Variants in TMEM35A observed in about 807,000 individuals in gnomAD.
TMEM35A encodes the protein nicotinic acetylcholine receptor chaperone.
For synonymous variants in TMEM35A, 50 were observed against 54.7 expected (o/e 0.91, Z 0.38); for missense variants, 83 against 132.7 (o/e 0.63, Z 1.84).
Position 101,095,319 on chromosome X carries a change from G to A in TMEM35A, c.*363G>A, listed in dbSNP as rs1051499410. 7.0e-5 allele frequency: 9 copies of A among 127,835 alleles called. No homozygotes were observed. The highest frequency in any genetic ancestry group is 1.4e-4 in the African/African-American group (4 of 28,839). 10.5% of individuals were successfully genotyped at this position (127,835 alleles called of 1,213,427 possible). A position where few individuals can be genotyped will look rare whatever the true frequency, so the allele number is the denominator to read the frequency against. On this transcript the variant is annotated 3_prime_UTR_variant, in exon 2 of 2. Coordinates refer to ENST00000372930, the MANE Select transcript of TMEM35A (RefSeq NM_021637.3). Reference sequence around the variant, plus strand: ...TGTGTGTGTGTGTGTGTGCGCGCGCGCGCGCACGCGCACACACTCACGCAC... The same window carrying A: ...TGTGTGTGTGTGTGTGTGCGCGCGCACGCGCACGCGCACACACTCACGCAC...
At position 101,095,557 on chromosome X, in the gene TMEM35A, C is replaced by T. The variant is rs940007318; in HGVS notation, c.*601C>T. 1.8e-5 allele frequency: 2 copies of T among 109,735 alleles called. No individual in the cohort carries two copies. Among genetic ancestry groups the T allele is most frequent in the East Asian group, 2.9e-4 (1 of 3,471 alleles). The allele number at this position is 109,735 out of a possible 1,213,427, so 9.0% of individuals were successfully genotyped here. Reference sequence around the variant, plus strand: ...GGAGAAAAAAAAAAACATTCAATTTCGGACACTGAGTTATATATGAAATTA... The same window carrying T: ...GGAGAAAAAAAAAAACATTCAATTTTGGACACTGAGTTATATATGAAATTA... On this transcript the variant is annotated 3_prime_UTR_variant, in exon 2 of 2. Coordinates refer to ENST00000372930, the MANE Select transcript of TMEM35A (RefSeq NM_021637.3).
At chrX:101,086,709 C>T (rs188509176) in intron 1 of TMEM35A, among the ~76,000 whole-genome samples, 5 of 111,356 alleles carry the variant, frequency 4.5e-5, no homozygotes, top group Admixed American at 3.9e-4. Flanking sequence ...TTTTCTTCCC[C>T]CTATACGGAA....
chrX:101,086,453 G>T (rs2089307685), intron 1 of TMEM35A, among the ~76,000 whole-genome samples: 1 of 112,181 alleles, frequency 8.9e-6, no homozygotes, highest in Non-Finnish European at 1.9e-5. Flanking sequence ...TCAAATGTGT[G>T]TGTGTTGCCC....
chrX:101,095,289 G>C lies in TMEM35A; in HGVS notation c.*333G>C, dbSNP rs868240275. The stretch of plus-strand genomic sequence containing the variant: ...GTGGGAAAATGTATTTAACTACTCT[G>C]TGTGTGTGTGTGTGTGTGTGTGCGC... On this transcript the variant is annotated 3_prime_UTR_variant, in exon 2 of 2. Coordinates refer to ENST00000372930, the MANE Select transcript of TMEM35A (RefSeq NM_021637.3). The C allele has an allele frequency of 1.1e-5, 1 of 91,619 alleles. No homozygotes were observed. Among genetic ancestry groups the C allele is most frequent in the Non-Finnish European group, 1.8e-5 (1 of 55,837 alleles). 7.6% of individuals were successfully genotyped at this position (91,619 alleles called of 1,213,427 possible). A position where few individuals can be genotyped will look rare whatever the true frequency, so the allele number is the denominator to read the frequency against.
intron 1 of TMEM35A, among the ~76,000 whole-genome samples, chrX:101,089,323 C>T (rs748171482): frequency 4.5e-5 from 5 of 110,783 alleles, no homozygotes; most frequent in East Asian, 2.8e-4. Flanking sequence ...GAAGCAGGGT[C>T]GTGCAAGTGT....
chrX:101,085,711 G>A (rs2089305353), intron 1 of TMEM35A, among the ~76,000 whole-genome samples: 1 of 110,445 alleles, frequency 9.1e-6, no homozygotes, highest in African/African-American at 3.3e-5. Context: ...GGCGGATCAC[G>A]AGGTCAAGAG....
intron 1 of TMEM35A, chrX:101,081,369 T>C (rs1275374686): frequency 8.9e-6 from 1 of 112,730 alleles, no homozygotes; most frequent in Non-Finnish European, 1.9e-5. Context: ...CCAGCTTTAT[T>C]CTCGTTCCCA....
intron 1 of TMEM35A, among the ~76,000 whole-genome samples, chrX:101,089,893 AT>A (rs1226398276): frequency 8.9e-6 from 1 of 111,827 alleles, no homozygotes; most frequent in East Asian, 2.8e-4. Flanking sequence ...GCCACTCATG[AT>A]AATTAATCCA....
In TMEM35A at chrX:101,095,146, G is replaced by A. The variant is rs1298932068; in HGVS notation, c.*190G>A. On this transcript the variant is annotated 3_prime_UTR_variant, in exon 2 of 2. Transcript: ENST00000372930. ...GACTTCCCCACATTGACATTTGTGC[G>A]CCACCTTTAATCACTCTGGGGCAAC... is the stretch of plus-strand genomic sequence containing the variant. The A allele has an allele frequency of 2.2e-5, 10 of 452,254 alleles. No individual in the cohort carries two copies. In the East Asian group the frequency reaches 2.4e-4, roughly 11 times the overall value. The allele number at this position is 452,254 out of a possible 1,213,427, so 37.3% of individuals were successfully genotyped here. A position where few individuals can be genotyped will look rare whatever the true frequency, so the allele number is the denominator to read the frequency against.
At position 101,095,194 on chromosome X, in the gene TMEM35A, A is replaced by T. The variant is rs1279563028; in HGVS notation, c.*238A>T. 1 of 371,589 alleles carries T rather than the reference A, an allele frequency of 2.7e-6. No homozygotes were observed. The highest frequency in any genetic ancestry group is 2.6e-5 in the African/African-American group (1 of 38,862). 30.6% of individuals were successfully genotyped at this position (371,589 alleles called of 1,213,427 possible). On this transcript the variant is annotated 3_prime_UTR_variant, in exon 2 of 2. Transcript: ENST00000372930. ...AACTCTCACATCTTGCTGCATGTAC[A>T]TGTATACGGCTACTATTGAAGTGTA...
chrX:101,092,097 G>C (rs769014219), intron 1 of TMEM35A, among the ~76,000 whole-genome samples: 49 of 110,695 alleles, frequency 4.4e-4, no homozygotes, highest in Non-Finnish European at 8.5e-4. Flanking sequence ...CAGGACCTTT[G>C]AATAACTGAC....
At chrX:101,091,642 C>T (rs2089324678) in intron 1 of TMEM35A, among the ~76,000 whole-genome samples, 3 of 111,938 alleles carry the variant, frequency 2.7e-5, no homozygotes, top group African/African-American at 6.5e-5. Context: ...TTCCTCCTGG[C>T]TTATAAGACA....
rs147049677 is a variant in TMEM35A at position 101,087,048 on chromosome X, C to T, written c.121-7525C>T. On this transcript the variant is annotated intron_variant, in intron 1 of 1. Coordinates refer to ENST00000372930, the MANE Select transcript of TMEM35A (RefSeq NM_021637.3). ...CTCGGCTCACTGCGGCCTCTGCCTCCCGGGTTCAAGCAATTCTCCTGCCTC... is the reference window on the plus strand; with the variant it reads ...CTCGGCTCACTGCGGCCTCTGCCTCTCGGGTTCAAGCAATTCTCCTGCCTC... Among the ~76,000 whole-genome samples the T allele has an allele frequency of 9.8e-3, 1,051 of 107,548 alleles. 16 individuals carry two copies. The highest frequency in any genetic ancestry group is 0.015 in the Non-Finnish European group (758 of 52,026). The allele number at this position is 107,548 out of a possible 115,157, so 93.4% of individuals were successfully genotyped here. A position where few individuals can be genotyped will look rare whatever the true frequency, so the allele number is the denominator to read the frequency against.
At chrX:101,093,626 TAATGCTATTTATGATTTATAATCATA>T (rs1248021199) in intron 1 of TMEM35A, among the ~76,000 whole-genome samples, 1 of 112,361 alleles carries the variant, frequency 8.9e-6, no homozygotes, top group Non-Finnish European at 1.9e-5. Flanking sequence ...AAAAAAGTAT[TAATGCTATTTATGATTTATAATCATA>T]AATGCTTTTA....
At chrX:101,088,438 C>A (rs142848704) in intron 1 of TMEM35A, among the ~76,000 whole-genome samples, 1 of 109,658 alleles carries the variant, frequency 9.1e-6, no homozygotes, top group South Asian at 3.9e-4. Flanking sequence ...ATAGTGAGAC[C>A]CAGTCTCTAC....
chrX:101,094,731 C>T lies in TMEM35A; in HGVS notation c.279C>T (p.Phe93=), dbSNP rs2089333765. The change falls in exon 2 of 2, where the codon TTC becomes TTT. Residue 93 remains phenylalanine (F), a synonymous_variant. Transcript: ENST00000372930. The part of the protein sequence containing the change: ...PGRPKDVANF[F]LLLLVLAVLF... ...GTCCCAAAGATGTGGCCAACTTCTT[C>T]CTACTGTTGCTGGTGTTGGCTGTGC... The T allele has an allele frequency of 8.3e-7, 1 of 1,209,469 alleles. No individual in the cohort carries two copies. The highest frequency in any genetic ancestry group is 1.1e-6 in the Non-Finnish European group (1 of 895,237).
intron 1 of TMEM35A, among the ~76,000 whole-genome samples, chrX:101,080,912 AGGCTCTG>A (rs2089290065): frequency 1.8e-5 from 2 of 109,937 alleles, no homozygotes; most frequent in South Asian, 8.0e-4. Flanking sequence ...GTACAGTGTT[AGGCTCTG>A]CAGGCAATCC....
chrX:101,089,620 A>T (rs2089317501), intron 1 of TMEM35A, among the ~76,000 whole-genome samples: 1 of 107,939 alleles, frequency 9.3e-6, no homozygotes. Flanking sequence ...GATGGTGCAT[A>T]CCCTGTAGTC....
chrX:101,078,911 C>G lies in TMEM35A; in HGVS notation c.-92C>G, dbSNP rs900373160. On this transcript the variant is annotated 5_prime_UTR_variant, in exon 1 of 2. Coordinates refer to ENST00000372930, the MANE Select transcript of TMEM35A (RefSeq NM_021637.3). ...TAGCTGCCTGCTGCCTCCGCAGCGT[C>G]CCCCCAGCTCTCCCTGTGCTAACTG... is the stretch of plus-strand genomic sequence containing the variant. 8 of 1,106,076 alleles carry G rather than the reference C, an allele frequency of 7.2e-6. No individual in the cohort carries two copies. Among genetic ancestry groups the G allele is most frequent in the Non-Finnish European group, 9.8e-6 (8 of 817,138 alleles). 91.2% of individuals were successfully genotyped at this position (1,106,076 alleles called of 1,213,427 possible). A position where few individuals can be genotyped will look rare whatever the true frequency, so the allele number is the denominator to read the frequency against.
Sources: allele counts gnomAD v4.1 joint callset (sites outside exome capture counted in the v4.1 genomes callset), GRCh38; gene constraint gnomAD v4.1.1; transcripts MANE v1.5; gene names NCBI Gene and HGNC (gene_info 2026-07-23, HGNC 2026-07-21).